The following DOK6 variants were observed in gnomAD, a reference collection of about 807,000 sequenced individuals.
DOK6 encodes docking protein 6, also known as downstream of tyrosine kinase 6.
A neutral mutation model predicts 44.0 loss-of-function variants in DOK6; 22 were observed. That is an observed-to-expected ratio of 0.50 (90% CI 0.36 to 0.71). DOK6 has a LOEUF of 0.71. Ranked by LOEUF, DOK6 falls within the 30% of genes least tolerant of loss-of-function variation. DOK6 has a pLI of 0.00. For missense variants in DOK6, 340 were observed against 416.4 expected (o/e 0.82, Z 1.60); for synonymous variants, 166 against 145.5 (o/e 1.14, Z -1.01).
intron 1 of DOK6, among the ~76,000 whole-genome samples, chr18:69,449,199 G>A (rs1264841383): frequency 6.6e-6 from 1 of 152,214 alleles, no homozygotes; most frequent in African/African-American, 2.4e-5. Flanking sequence ...AAAGTTGGGT[G>A]CAAGATAAGT....
At chr18:69,532,590 G>A (rs1434815486) in intron 1 of DOK6, 1 of 152,258 alleles carries the variant, frequency 6.6e-6, no homozygotes, top group African/African-American at 2.4e-5. Context: ...GGCAGGTGTG[G>A]TGGCCCTTGC....
intron 2 of DOK6, among the ~76,000 whole-genome samples, chr18:69,571,426 A>C (rs1331319094): frequency 6.6e-6 from 1 of 152,066 alleles, no homozygotes; most frequent in Non-Finnish European, 1.5e-5. Flanking sequence ...TAAACATTCC[A>C]ATTAAAAAGG....
At chr18:69,412,496 G>C (rs759617675) in intron 1 of DOK6, among the ~76,000 whole-genome samples, 2 of 152,100 alleles carry the variant, frequency 1.3e-5, no homozygotes, top group Non-Finnish European at 2.9e-5. Flanking sequence ...TTCTGGGCAA[G>C]AGAATTATTT....
chr18:69,620,277 A>G (rs1001848983), intron 3 of DOK6, among the ~76,000 whole-genome samples: 2 of 152,116 alleles, frequency 1.3e-5, no homozygotes, highest in South Asian at 2.1e-4. Context: ...CCAAGTTGTC[A>G]TTTTCTTCCT....
intron 2 of DOK6, among the ~76,000 whole-genome samples, chr18:69,577,571 C>T (rs1983267541): frequency 6.6e-6 from 1 of 152,092 alleles, no homozygotes; most frequent in Non-Finnish European, 1.5e-5. Context: ...TTACCACATG[C>T]AGGTGTCTCA....
At chr18:69,732,319 A>T (rs144385948) in intron 5 of DOK6, among the ~76,000 whole-genome samples, 13 of 152,274 alleles carry the variant, frequency 8.5e-5, no homozygotes, top group African/African-American at 2.2e-4. Context: ...TCATCTGTCA[A>T]TCTTTTAAAA....
At chr18:69,428,853 G>A (rs1263015489) in intron 1 of DOK6, among the ~76,000 whole-genome samples, 2 of 152,206 alleles carry the variant, frequency 1.3e-5, no homozygotes, top group Non-Finnish European at 2.9e-5. Flanking sequence ...CATCAATGAT[G>A]AATAATCATC....
At chr18:69,598,926 C>G (rs1983809373) in intron 2 of DOK6, among the ~76,000 whole-genome samples, 1 of 152,064 alleles carries the variant, frequency 6.6e-6, no homozygotes, top group Non-Finnish European at 1.5e-5. Flanking sequence ...GAGCAATGGA[C>G]TTGCTTTCCA....
chr18:69,655,585 T>C (rs1480574557), intron 3 of DOK6, among the ~76,000 whole-genome samples: 1 of 151,452 alleles, frequency 6.6e-6, no homozygotes, highest in African/African-American at 2.4e-5. Flanking sequence ...AAACCCTGTC[T>C]CTACTAAAAA....
At chr18:69,787,432 G>A (rs543952902) in intron 7 of DOK6, among the ~76,000 whole-genome samples, 1 of 152,202 alleles carries the variant, frequency 6.6e-6, no homozygotes, top group African/African-American at 2.4e-5. Context: ...CTCACCTTGG[G>A]TCCACCTCTC....
chr18:69,579,411 T>G (rs1024780439), intron 2 of DOK6, among the ~76,000 whole-genome samples: 14 of 152,212 alleles, frequency 9.2e-5, no homozygotes, highest in Non-Finnish European at 1.9e-4. Flanking sequence ...CCTGGAATTC[T>G]CTAATTGTTT....
intron 6 of DOK6, among the ~76,000 whole-genome samples, chr18:69,745,471 G>A (rs1978954961): frequency 6.6e-6 from 1 of 152,140 alleles, no homozygotes; most frequent in Non-Finnish European, 1.5e-5. Context: ...CTATAAAACA[G>A]AAGTATTTTT....
intron 1 of DOK6, among the ~76,000 whole-genome samples, chr18:69,427,735 G>A (rs1978680685): frequency 6.7e-6 from 1 of 149,652 alleles, no homozygotes; most frequent in Non-Finnish European, 1.5e-5. Flanking sequence ...ACTGATTAAA[G>A]AAAATAAAGA....
chr18:69,611,387 A>G (rs995087486), intron 3 of DOK6, among the ~76,000 whole-genome samples: 12 of 152,194 alleles, frequency 7.9e-5, no homozygotes, highest in African/African-American at 1.9e-4. Flanking sequence ...GTCAGTTTGG[A>G]AAACTGTTTG....
intron 6 of DOK6, among the ~76,000 whole-genome samples, 171 bp from the exon 7 acceptor site, chr18:69,757,583 TTC>T: frequency 6.6e-6 from 1 of 152,260 alleles, no homozygotes; most frequent in South Asian, 2.1e-4. Context: ...AAGTATTCCT[TTC>T]ATATTTTTGA....
At chr18:69,441,601 A>G (rs1032149215) in intron 1 of DOK6, among the ~76,000 whole-genome samples, 1 of 152,194 alleles carries the variant, frequency 6.6e-6, no homozygotes, top group Non-Finnish European at 1.5e-5. Context: ...TACATTTACA[A>G]GGTATTTCCA....
intron 1 of DOK6, among the ~76,000 whole-genome samples, chr18:69,558,757 T>G (rs1487646122): frequency 6.6e-6 from 1 of 152,100 alleles, no homozygotes; most frequent in African/African-American, 2.4e-5. Context: ...AACAACTACA[T>G]GCAACTTGAT....
chr18:69,411,329 T>C (rs1176267895), intron 1 of DOK6, among the ~76,000 whole-genome samples: 3 of 152,158 alleles, frequency 2.0e-5, no homozygotes, highest in Admixed American at 6.6e-5. Context: ...TAAATGTTCA[T>C]TGTCAAATTA....
chr18:69,704,801 A>G (rs1399339066), intron 5 of DOK6, among the ~76,000 whole-genome samples: 2 of 152,142 alleles, frequency 1.3e-5, no homozygotes, highest in African/African-American at 2.4e-5. Context: ...TATAGTTCCA[A>G]AAGAATGATC....
Sources: allele counts gnomAD v4.1 joint callset (sites outside exome capture counted in the v4.1 genomes callset), GRCh38; gene constraint gnomAD v4.1.1; transcripts MANE v1.5; gene names NCBI Gene and HGNC (gene_info 2026-07-23, HGNC 2026-07-21).